The following OSBPL5 variants were observed in gnomAD, a reference collection of about 807,000 sequenced individuals.
The protein encoded by OSBPL5 is oxysterol-binding protein-related protein 5.
OSBPL5 carries 71 observed loss-of-function variants against 111.2 expected under a neutral mutation model. The observed-to-expected ratio is 0.64, with a 90% confidence interval of 0.53 to 0.78. OSBPL5 has a LOEUF of 0.78. Ranked by LOEUF, OSBPL5 falls within the 30% of genes least tolerant of loss-of-function variation. The pLI is 0.00. For synonymous variants in OSBPL5, 549 were observed against 513.9 expected (o/e 1.07, Z -0.93); for missense variants, 1,210 against 1,189.3 (o/e 1.02, Z -0.26).
chr11:3,092,506 T>C lies in OSBPL5; in HGVS notation c.2185A>G (p.Ile729Val). The change falls in exon 19 of 22, where the codon ATC (isoleucine) becomes GTC (valine). Residue 729 changes from isoleucine (I) to valine (V), a missense_variant. By Grantham distance (29) the Ile-to-Val change is conservative. Coordinates refer to ENST00000263650, the MANE Select transcript of OSBPL5 (RefSeq NM_020896.4). The surrounding 1 kb of genome is among the most constrained non-coding windows in gnomAD (Gnocchi z 5.4). ...KDIAQFEQDG[I>V]LRTLQQEAVA... ...GCCTCCTGCTGCAAGGTCCGCAGGA[T>C]CCCGTCTTGCTCAAACTGGGCGATG... The C allele has an allele frequency of 6.3e-7, 1 of 1,582,856 alleles. No individual in the cohort carries two copies. Among genetic ancestry groups the C allele is most frequent in the Non-Finnish European group, 8.6e-7 (1 of 1,164,862 alleles).
At chr11:3,147,971 T>C (rs982261445) in intron 1 of OSBPL5, among the ~76,000 whole-genome samples, 4 of 152,092 alleles carry the variant, frequency 2.6e-5, no homozygotes, top group African/African-American at 9.7e-5. Context: ...GGCCACTAGC[T>C]GGGCTCCTGC....
intron 3 of OSBPL5, among the ~76,000 whole-genome samples, chr11:3,124,489 A>G (rs115874636): frequency 1.2e-3 from 179 of 152,288 alleles, no homozygotes; most frequent in African/African-American, 4.1e-3. Flanking sequence ...GATCTTGTTC[A>G]TGATGCCCTT....
chr11:3,129,416 A>G (rs1480771088), intron 1 of OSBPL5: 2 of 297,704 alleles, frequency 6.7e-6, no homozygotes. Flanking sequence ...AGCCCTGGTC[A>G]GAGAGGCTCA....
At chr11:3,103,422 A>AACCAAGTG in intron 10 of OSBPL5, 102 bp from the exon 11 acceptor site, 1 of 1,067,848 alleles carries the variant, frequency 9.4e-7, no homozygotes, top group East Asian at 2.7e-5. Flanking sequence ...CCAACCACTC[A>AACCAAGTG]GCTGGAAACA....
In OSBPL5 at chr11:3,114,591, A is replaced by ACTTTTTTTTTTTTTTTTTTTT. The variant is rs774192603; in HGVS notation, c.691+4955_691+4956insAAAAAAAAAAAAAAAAAAAAG. 1.8e-4 allele frequency among the ~76,000 whole-genome samples: 21 copies of ACTTTTTTTTTTTTTTTTTTTT among 113,900 alleles called. 9 individuals are homozygous for ACTTTTTTTTTTTTTTTTTTTT. The highest frequency in any genetic ancestry group is 2.8e-4 in the African/African-American group (8 of 28,388). 74.7% of individuals were successfully genotyped at this position (113,900 alleles called of 152,430 possible). On this transcript the variant is annotated intron_variant, in intron 7 of 21. Coordinates refer to ENST00000263650, the MANE Select transcript of OSBPL5 (RefSeq NM_020896.4). Reference sequence around the variant, plus strand: ...GACTAAAGAATTGGTTAGAACAATGATTTTTTTTTTTTTTTTTTTTTTTTT... The same window carrying ACTTTTTTTTTTTTTTTTTTTT: ...GACTAAAGAATTGGTTAGAACAATGACTTTTTTTTTTTTTTTTTTTTTTTTTTTTTTTTTTTTTTTTTTTTT...
At chr11:3,114,126 T>C (rs1194699949) in intron 7 of OSBPL5, among the ~76,000 whole-genome samples, 1 of 152,202 alleles carries the variant, frequency 6.6e-6, no homozygotes, top group Non-Finnish European at 1.5e-5. Flanking sequence ...AAAATATATT[T>C]GTAGGAAAAT....
intron 10 of OSBPL5, among the ~76,000 whole-genome samples, chr11:3,103,757 CT>C (rs200103196): frequency 0.011 from 272 of 25,478 alleles, 14 homozygotes; most frequent in South Asian, 0.034. Context: ...CCTCTTCCAG[CT>C]CTGCAGCCCC....
In OSBPL5 at chr11:3,105,938, G is replaced by A. The variant is rs559013196; in HGVS notation, c.1059+1325C>T. Among the ~76,000 whole-genome samples, 26 of 152,316 alleles carry A rather than the reference G, an allele frequency of 1.7e-4. No individual in the cohort carries two copies. The highest frequency in any genetic ancestry group is 5.1e-4 in the African/African-American group (21 of 41,556). On this transcript the variant is annotated intron_variant, in intron 9 of 21. Coordinates refer to ENST00000263650, the MANE Select transcript of OSBPL5 (RefSeq NM_020896.4). The surrounding 1 kb of genome is among the most constrained non-coding windows in gnomAD (Gnocchi z 5.2). ...TCTCCATCACAGCTGGGTCCAGGGT[G>A]TCCTCAGCTTTCTCCTAACAATGGG... is the stretch of plus-strand genomic sequence containing the variant.
At chr11:3,150,045 C>G (rs560201750) in intron 1 of OSBPL5, among the ~76,000 whole-genome samples, 13 of 152,324 alleles carry the variant, frequency 8.5e-5, no homozygotes, top group Admixed American at 1.3e-4. Flanking sequence ...CATGCACACA[C>G]ACACAGACAC....
intron 1 of OSBPL5, among the ~76,000 whole-genome samples, chr11:3,157,794 C>T (rs1365667891): frequency 1.3e-5 from 2 of 152,232 alleles, no homozygotes; most frequent in East Asian, 1.9e-4. Context: ...TTCTTCTGGC[C>T]GTTGGTGGGC....
In OSBPL5 at chr11:3,121,879, C is replaced by T. The variant is rs565476547; in HGVS notation, c.402+118G>A. 141 of 858,582 alleles carry T rather than the reference C, an allele frequency of 1.6e-4. No homozygotes were observed. In the South Asian group the frequency reaches 1.8e-3, roughly 11 times the overall value. 53.2% of individuals were successfully genotyped at this position (858,582 alleles called of 1,614,324 possible). ...GAAGGAGCAGAGGCTGCAGTGATAACGGCTAGATGCAGGGAAGTGAATTTC... is the reference window on the plus strand; with the variant it reads ...GAAGGAGCAGAGGCTGCAGTGATAATGGCTAGATGCAGGGAAGTGAATTTC... On this transcript the variant is annotated intron_variant, in intron 5 of 21. Coordinates refer to ENST00000263650, the MANE Select transcript of OSBPL5 (RefSeq NM_020896.4). This position sits in a 1 kb window ranked among gnomAD's most constrained non-coding sequence, Gnocchi z 4.3.
chr11:3,095,753 C>A (rs1487192194), intron 14 of OSBPL5, among the ~76,000 whole-genome samples: 1 of 152,160 alleles, frequency 6.6e-6, no homozygotes, highest in Non-Finnish European at 1.5e-5. Flanking sequence ...TGTTGGGTAA[C>A]CACATAGTAG....
At chr11:3,143,488 A>G (rs1307564659) in intron 1 of OSBPL5, among the ~76,000 whole-genome samples, 1 of 152,228 alleles carries the variant, frequency 6.6e-6, no homozygotes, top group Non-Finnish European at 1.5e-5. Context: ...CATGGATCAC[A>G]TCTGTGCAAC....
rs561803570 is a variant in OSBPL5 at position 3,104,178 on chromosome 11, C to T, written c.1244+15G>A. On this transcript the variant is annotated intron_variant, in intron 10 of 21. Transcript: ENST00000263650. This position sits in a 1 kb window ranked among gnomAD's most constrained non-coding sequence, Gnocchi z 5.0. ...AGGACGAGGTGTGGGGTGCCCCTCC[C>T]GGCATGGCGCGCACCTGGAGAGCAG... 3.3e-5 allele frequency: 53 copies of T among 1,591,770 alleles called. 1 individual carries two copies. In the South Asian group the frequency reaches 3.3e-4, roughly 10 times the overall value.
intron 7 of OSBPL5, among the ~76,000 whole-genome samples, chr11:3,112,122 TGTGC>T (rs1858014645): frequency 6.7e-6 from 1 of 149,270 alleles, no homozygotes; most frequent in African/African-American, 2.5e-5. Flanking sequence ...CATGTGTGTG[TGTGC>T]GCATATGTGT....
intron 1 of OSBPL5, among the ~76,000 whole-genome samples, chr11:3,131,634 C>T (rs1206954030): frequency 7.3e-6 from 1 of 137,148 alleles, no homozygotes; most frequent in South Asian, 2.6e-4. Context: ...TATTCATCCA[C>T]CCGTCTATTC....
Position 3,157,296 on chromosome 11 carries a change from G to A in OSBPL5, c.-22+7920C>T, listed in dbSNP as rs563394102. 5.8e-4 allele frequency among the ~76,000 whole-genome samples: 89 copies of A among 152,292 alleles called. 1 individual carries two copies. Among genetic ancestry groups the A allele is most frequent in the South Asian group, 2.1e-3 (10 of 4,816 alleles). On this transcript the variant is annotated intron_variant, in intron 1 of 21. Coordinates refer to ENST00000263650, the MANE Select transcript of OSBPL5 (RefSeq NM_020896.4). ...GCCGGCAGCAGAGAGACCCTGACCCGTAAAAGGATGGGAAGGGGCAGATAA... is the reference window on the plus strand; with the variant it reads ...GCCGGCAGCAGAGAGACCCTGACCCATAAAAGGATGGGAAGGGGCAGATAA...
At chr11:3,103,711 CT>C (rs1857542096) in intron 10 of OSBPL5, among the ~76,000 whole-genome samples, 1 of 136,512 alleles carries the variant, frequency 7.3e-6, no homozygotes, top group Non-Finnish European at 1.6e-5. Flanking sequence ...TGCGTACCCC[CT>C]TCCAGGCTCT....
At chr11:3,133,268 G>A (rs1346325735) in intron 1 of OSBPL5, among the ~76,000 whole-genome samples, 5 of 152,240 alleles carry the variant, frequency 3.3e-5, no homozygotes, top group African/African-American at 9.6e-5. Flanking sequence ...GCCCCAGGGA[G>A]CACAGCCCCT....
Sources: gnomAD v4.1 joint callset for allele counts (sites outside exome capture counted in the v4.1 genomes callset) on GRCh38, gnomAD v4.1.1 for gene constraint, Gnocchi (gnomAD v3.1) non-coding constraint, MANE v1.5 for transcripts, NCBI Gene and HGNC (gene_info 2026-07-23, HGNC 2026-07-21) for gene names.